The following ZNF813 variants were observed in gnomAD, a reference collection of about 807,000 sequenced individuals.
ZNF813 encodes zinc finger protein 813.
A neutral mutation model predicts 7.2 loss-of-function variants in ZNF813; 3 were observed. The observed-to-expected ratio is 0.42, with a 90% CI of 0.19 to 1.08. ZNF813 has a LOEUF of 1.08. Ranked by LOEUF, ZNF813 falls within the 50% of genes least tolerant of loss-of-function variation. ZNF813 has a pLI of 0.30. For missense variants in ZNF813, 714 were observed against 753.3 expected (o/e 0.95, Z 0.61); for synonymous variants, 227 against 256.3 (o/e 0.89, Z 1.09).
intron 1 of ZNF813, among the ~76,000 whole-genome samples, chr19:53,471,490 C>A (rs1463274951): frequency 6.6e-6 from 1 of 152,094 alleles, no homozygotes; most frequent in Non-Finnish European, 1.5e-5. Flanking sequence ...AACACAGTAT[C>A]TCCTGATAAT....
intron 3 of ZNF813, among the ~76,000 whole-genome samples, chr19:53,488,815 G>C (rs1258306108): frequency 1.3e-5 from 2 of 152,084 alleles, no homozygotes; most frequent in African/African-American, 2.4e-5. Flanking sequence ...CTTATATTGT[G>C]TTCTGGTGGT....
rs2086457106 is a variant in ZNF813 at position 53,490,866 on chromosome 19, G to C, written c.634G>C (p.Glu212Gln). 5 of 1,614,202 alleles carry C rather than the reference G, an allele frequency of 3.1e-6. No individual in the cohort carries two copies. Among genetic ancestry groups the C allele is most frequent in the Non-Finnish European group, 3.4e-6 (4 of 1,180,026 alleles). The change falls in exon 4 of 4, where the codon GAA becomes CAA. Residue 212 changes from glutamate to glutamine, a missense_variant. Glu to Gln is a conservative substitution (Grantham distance 29). Coordinates refer to ENST00000396403, the MANE Select transcript of ZNF813 (RefSeq NM_001004301.4). ...ACAAAAACAGGAGGTACACATGAGA[G>C]AAAAGTCTTTCCAATGTAATGAGAG... ...LTQKQEVHMR[E>Q]KSFQCNESGK...
At position 53,493,136 on chromosome 19, in the gene ZNF813, A is replaced by T. The variant is rs944110627; in HGVS notation, c.*1050A>T. The T allele has an allele frequency of 1.2e-5, 3 of 247,330 alleles. No homozygotes were observed. The highest frequency in any genetic ancestry group is 6.9e-5 in the African/African-American group (3 of 43,630). 15.3% of individuals were successfully genotyped at this position (247,330 alleles called of 1,614,324 possible). A position where few individuals can be genotyped will look rare whatever the true frequency, so the allele number is the denominator to read the frequency against. On this transcript the variant is annotated 3_prime_UTR_variant, in exon 4 of 4. Coordinates refer to ENST00000396403, the MANE Select transcript of ZNF813 (RefSeq NM_001004301.4). ...CCAGGTACAGTGTCTCACACCTGTA[A>T]TCCCAGCACTTTGGGAGGCCAAGGC...
Position 53,483,801 on chromosome 19 carries a change from G to C in ZNF813, c.-22G>C, listed in dbSNP as rs1432930208. The C allele has an allele frequency of 1.2e-5, 20 of 1,613,214 alleles. No homozygotes were observed. The highest frequency in any genetic ancestry group is 1.6e-5 in the Non-Finnish European group (19 of 1,180,034). ...GTGAGGAAGAAACCTGGAAGAGGAA[G>C]AGGAAAGCAAAGGAGTCAGGGATGG... On this transcript the variant is annotated 5_prime_UTR_variant, in exon 2 of 4. Transcript: ENST00000396403.
At position 53,491,652 on chromosome 19, in the gene ZNF813, A is replaced by G. The variant is rs765982847; in HGVS notation, c.1420A>G (p.Lys474Glu). The G allele has an allele frequency of 2.5e-6, 4 of 1,613,880 alleles. No homozygotes were observed. The African/African-American group carries it at 5.3e-5, about 22-fold the overall frequency. The change falls in exon 4 of 4, where the codon AAG becomes GAG. Residue 474 changes from lysine (K) to glutamate (E), a missense_variant. Lys to Glu is a moderately conservative substitution (Grantham distance 56). Coordinates refer to ENST00000396403, the MANE Select transcript of ZNF813 (RefSeq NM_001004301.4). ...EKRYKCNECG[K>E]TFSRISALVI... ...ACGTTACAAGTGTAATGAGTGTGGC[A>G]AGACGTTCAGTCGAATTTCAGCCCT...
intron 1 of ZNF813, among the ~76,000 whole-genome samples, chr19:53,469,931 C>T (rs190000316): frequency 6.6e-6 from 1 of 151,426 alleles, no homozygotes; most frequent in Non-Finnish European, 1.5e-5. Context: ...AAGGTACGCA[C>T]CGGCTCAGTG....
At chr19:53,487,303 TA>T (rs2086439057) in intron 3 of ZNF813, among the ~76,000 whole-genome samples, 1 of 152,222 alleles carries the variant, frequency 6.6e-6, no homozygotes, top group Admixed American at 6.5e-5. Context: ...TGTTACATAT[TA>T]TCTGTATTGT....
Position 53,495,627 on chromosome 19 carries a change from A to C in ZNF813, c.*3541A>C, listed in dbSNP as rs947464132. ...GGAGTTTGAGAACAGGCTGATTAAC[A>C]TGGTGAAACCCCGTCTCTACTAAAA... On this transcript the variant is annotated 3_prime_UTR_variant, in exon 4 of 4. Coordinates refer to ENST00000396403, the MANE Select transcript of ZNF813 (RefSeq NM_001004301.4). The C allele has an allele frequency of 6.6e-6, 1 of 151,716 alleles. No homozygotes were observed. The highest frequency in any genetic ancestry group is 2.4e-5 in the African/African-American group (1 of 41,224). 9.4% of individuals were successfully genotyped at this position (151,716 alleles called of 1,614,324 possible).
chr19:53,490,644 G>T lies in ZNF813; in HGVS notation c.412G>T (p.Asp138Tyr), dbSNP rs1260919800. The T allele has an allele frequency of 3.1e-6, 5 of 1,614,066 alleles. No individual in the cohort carries two copies. The highest frequency in any genetic ancestry group is 1.1e-5 in the South Asian group (1 of 91,084). ...GCATGCTGGAAACAAGCCTATTAAA[G>T]ATCAGCTTGGATCAAGCTTTCATTC... is the stretch of plus-strand genomic sequence containing the variant. Reference protein sequence around the residue: ...QRHAGNKPIKDQLGSSFHSHL... With the variant: ...QRHAGNKPIKYQLGSSFHSHL... The change falls in exon 4 of 4, where the codon GAT (aspartate) becomes TAT (tyrosine). Residue 138 changes from aspartate to tyrosine, a missense_variant. Asp to Tyr is a radical substitution (Grantham distance 160). Transcript: ENST00000396403.
Position 53,496,197 on chromosome 19 carries a change from GGTTCAGTAATAAATAT to G in ZNF813, c.*4114_*4129del, listed in dbSNP as rs1035576374. Reference sequence around the variant, plus strand: ...CTGCTATGAACACGTCAGTTGGGTGGGTTCAGTAATAAATATGTGAGACTTTTCATTTCAAAATAAA... The same window carrying G: ...CTGCTATGAACACGTCAGTTGGGTGGGTGAGACTTTTCATTTCAAAATAAA... On this transcript the variant is annotated 3_prime_UTR_variant, in exon 4 of 4. Transcript: ENST00000396403. 1 of 161,942 alleles carries G rather than the reference GGTTCAGTAATAAATAT, an allele frequency of 6.2e-6. No homozygotes were observed. The highest frequency in any genetic ancestry group is 2.4e-5 in the African/African-American group (1 of 41,680). 10.0% of individuals were successfully genotyped at this position (161,942 alleles called of 1,614,324 possible).
chr19:53,470,941 A>G (rs1453970262), intron 1 of ZNF813, among the ~76,000 whole-genome samples: 2 of 152,112 alleles, frequency 1.3e-5, no homozygotes, highest in East Asian at 3.9e-4. Flanking sequence ...GATTTCAAGT[A>G]CTGCTTGCAA....
At chr19:53,483,334 G>T (rs867370705) in intron 1 of ZNF813, among the ~76,000 whole-genome samples, 3 of 152,188 alleles carry the variant, frequency 2.0e-5, no homozygotes, top group Middle Eastern at 3.4e-3. Flanking sequence ...ACACACAGAT[G>T]TGCACAACCA....
rs1242547406 is a variant in ZNF813 at position 53,492,938 on chromosome 19, C to T, written c.*852C>T. ...ACACCTCCTTAGACATCAGAGAATG[C>T]ACACTGGACGGAAATCTTACAAATG... On this transcript the variant is annotated 3_prime_UTR_variant, in exon 4 of 4. Transcript: ENST00000396403. The T allele has an allele frequency of 6.3e-6, 3 of 478,230 alleles. No homozygotes were observed. Among genetic ancestry groups the T allele is most frequent in the South Asian group, 1.5e-5 (1 of 65,694 alleles). 29.6% of individuals were successfully genotyped at this position (478,230 alleles called of 1,614,324 possible).
chr19:53,482,706 C>CTTTTT (rs1568830690), intron 1 of ZNF813, among the ~76,000 whole-genome samples: 14 of 91,496 alleles, frequency 1.5e-4, no homozygotes, highest in African/African-American at 4.3e-4. Flanking sequence ...ATCAGGAATG[C>CTTTTT]TTTTTGTTTT....
intron 1 of ZNF813, among the ~76,000 whole-genome samples, chr19:53,472,697 C>T (rs2086365435): frequency 6.7e-6 from 1 of 149,834 alleles, no homozygotes; most frequent in Non-Finnish European, 1.5e-5. Flanking sequence ...ACCACAACCT[C>T]CACCTTCTGG....
At chr19:53,484,180 T>G (rs1174819029) in intron 2 of ZNF813, among the ~76,000 whole-genome samples, 1 of 152,096 alleles carries the variant, frequency 6.6e-6, no homozygotes, top group Admixed American at 6.6e-5. Flanking sequence ...GGACTAGGAT[T>G]AGAGCAGCTG....
intron 2 of ZNF813, among the ~76,000 whole-genome samples, chr19:53,486,166 A>C (rs968072476): frequency 1.3e-5 from 2 of 152,158 alleles, no homozygotes; most frequent in African/African-American, 4.8e-5. Context: ...TGTGTCAATA[A>C]AAGTTTCTGG....
intron 1 of ZNF813, among the ~76,000 whole-genome samples, chr19:53,475,023 A>T (rs1319087851): frequency 3.3e-5 from 5 of 151,952 alleles, no homozygotes; most frequent in Non-Finnish European, 2.9e-5. Context: ...CATCCTTGCC[A>T]TTTGGTGCCC....
chr19:53,475,206 T>G (rs1187292047), intron 1 of ZNF813, among the ~76,000 whole-genome samples: 1 of 152,156 alleles, frequency 6.6e-6, no homozygotes, highest in African/African-American at 2.4e-5. Context: ...GTGTAAATAC[T>G]GACTTCTCTT....
Sources: gnomAD v4.1 joint callset for allele counts (sites outside exome capture counted in the v4.1 genomes callset) on GRCh38, gnomAD v4.1.1 for gene constraint, MANE v1.5 for transcripts, NCBI Gene and HGNC (gene_info 2026-07-23, HGNC 2026-07-21) for gene names.